Variants in SAMMSON observed in about 807,000 individuals in gnomAD.
The protein encoded by SAMMSON is long intergenic non-protein coding RNA 1212.
intron 4 of SAMMSON, among the ~76,000 whole-genome samples, chr3:70,159,012 T>C (rs1261977192): frequency 6.6e-6 from 1 of 152,072 alleles, no homozygotes; most frequent in African/African-American, 2.4e-5. Context: ...TTTTCTGTTT[T>C]TTTCCTATAC....
intron 6 of SAMMSON, among the ~76,000 whole-genome samples, chr3:70,285,383 G>C (rs1702149835): frequency 6.6e-6 from 1 of 151,940 alleles, no homozygotes; most frequent in African/African-American, 2.4e-5. Context: ...CAAAGGACAT[G>C]AACTCATCAG....
intron 3 of SAMMSON, among the ~76,000 whole-genome samples, chr3:70,040,356 T>C (rs1288521478): frequency 6.6e-6 from 1 of 152,172 alleles, no homozygotes. Context: ...TTCTCTAATG[T>C]GGCAACTACG....
chr3:70,125,829 T>C (rs2067455794), intron 4 of SAMMSON: 1 of 663,580 alleles, frequency 1.5e-6, no homozygotes, highest in Non-Finnish European at 2.7e-6. Context: ...GAAGATTTGC[T>C]AGTTCCATTA....
At chr3:70,404,273 G>A (rs1701162874) in intron 2 of SAMMSON, among the ~76,000 whole-genome samples, 1 of 151,904 alleles carries the variant, frequency 6.6e-6, no homozygotes, top group Admixed American at 6.6e-5. Context: ...GATATTTAAG[G>A]TCACACAATT....
At chr3:70,087,312 A>G (rs2067289158) in intron 4 of SAMMSON, among the ~76,000 whole-genome samples, 1 of 152,236 alleles carries the variant, frequency 6.6e-6, no homozygotes, top group Admixed American at 6.5e-5. Context: ...ATTTAATTTG[A>G]TGGAAAATTA....
intron 4 of SAMMSON, among the ~76,000 whole-genome samples, chr3:70,097,726 G>T (rs527707396): frequency 6.6e-6 from 1 of 152,236 alleles, no homozygotes; most frequent in South Asian, 2.1e-4. Flanking sequence ...CATATTCATT[G>T]TGAACCAGTG....
chr3:70,108,333 C>T (rs866682268), intron 4 of SAMMSON, among the ~76,000 whole-genome samples: 2 of 150,974 alleles, frequency 1.3e-5, no homozygotes, highest in East Asian at 2.0e-4. Context: ...GCTAGGTTTA[C>T]GCAGGCAATA....
At chr3:70,005,468 T>C (rs1490563067) in intron 1 of SAMMSON, among the ~76,000 whole-genome samples, 2 of 152,134 alleles carry the variant, frequency 1.3e-5, no homozygotes, top group African/African-American at 4.8e-5. Context: ...TTTCATCATT[T>C]AGTATTCTGG....
chr3:70,105,553 G>A (rs1279315691), intron 4 of SAMMSON, among the ~76,000 whole-genome samples: 1 of 152,130 alleles, frequency 6.6e-6, no homozygotes, highest in Non-Finnish European at 1.5e-5. Flanking sequence ...GGTGCATAAT[G>A]TATTGTGCAG....
At chr3:70,065,679 G>A (rs1158614605) in intron 3 of SAMMSON, among the ~76,000 whole-genome samples, 1 of 151,988 alleles carries the variant, frequency 6.6e-6, no homozygotes, top group Non-Finnish European at 1.5e-5. Context: ...CACATCTGGG[G>A]GAGGATGCTA....
chr3:70,413,913 A>T (rs1701242369), intron 2 of SAMMSON, among the ~76,000 whole-genome samples: 1 of 152,088 alleles, frequency 6.6e-6, no homozygotes, highest in South Asian at 2.1e-4. Flanking sequence ...AGTCTGTCTA[A>T]ACAGTGTGCT....
chr3:70,121,206 C>G lies in SAMMSON; in HGVS notation n.507+49641C>G, dbSNP rs371141539. On this transcript the variant is annotated intron_variant and non_coding_transcript_variant, in intron 4 of 9. Coordinates refer to ENST00000642114, the Ensembl canonical transcript of SAMMSON. ...AGGTGGTGATGTGAGCCATGGGGAG[C>G]AGCTGTAAACACAGATGAAGCTCCA... 1.6e-4 allele frequency among the ~76,000 whole-genome samples: 24 copies of G among 152,316 alleles called. No individual in the cohort carries two copies. In the East Asian group the frequency reaches 3.9e-3, roughly 25 times the overall value.
At chr3:70,418,526 C>T (rs983111421) in intron 2 of SAMMSON, among the ~76,000 whole-genome samples, 43 of 152,328 alleles carry the variant, frequency 2.8e-4, no homozygotes, top group Non-Finnish European at 5.0e-4. Context: ...GCATTGGCTG[C>T]GGCATCTGCA....
At position 70,389,001 on chromosome 3, in the gene SAMMSON, G is replaced by A. The variant is rs150739808; in HGVS notation, n.914-573G>A. Among the ~76,000 whole-genome samples the A allele has an allele frequency of 8.0e-3, 1,213 of 152,132 alleles. 10 individuals carry two copies. Among genetic ancestry groups the A allele is most frequent in the Non-Finnish European group, 0.011 (760 of 67,966 alleles). ...TTCTCACTCTCAAGGGAGTGAATTA[G>A]TTCCTGAGAGAGCAGGTTGTTAAAA... On this transcript the variant is annotated intron_variant and non_coding_transcript_variant, in intron 9 of 9. Transcript: ENST00000642114.
intron 2 of SAMMSON, among the ~76,000 whole-genome samples, chr3:70,416,366 G>T (rs192403185): frequency 7.9e-5 from 12 of 152,154 alleles, no homozygotes; most frequent in African/African-American, 1.2e-4. Flanking sequence ...GCATTGTCTT[G>T]TCTGCATCTC....
At chr3:70,331,737 C>A (rs1210170075) in intron 7 of SAMMSON, among the ~76,000 whole-genome samples, 2 of 152,192 alleles carry the variant, frequency 1.3e-5, no homozygotes, top group African/African-American at 2.4e-5. Flanking sequence ...AATTTGCACC[C>A]CTGCCCTTTA....
chr3:70,359,981 C>T (rs982582286), intron 9 of SAMMSON, among the ~76,000 whole-genome samples: 2 of 152,026 alleles, frequency 1.3e-5, no homozygotes, highest in African/African-American at 4.8e-5. Flanking sequence ...ATATTTTTTA[C>T]TATAAAGATC....
Position 70,197,332 on chromosome 3 carries a change from A to G in SAMMSON, n.508-51775A>G, listed in dbSNP as rs983189721. 5 of 396,486 alleles carry G rather than the reference A, an allele frequency of 1.3e-5. No individual in the cohort carries two copies. In the Admixed American group the frequency reaches 1.8e-4, roughly 14 times the overall value. The allele number at this position is 396,486 out of a possible 1,614,324, so 24.6% of individuals were successfully genotyped here. On this transcript the variant is annotated intron_variant and non_coding_transcript_variant, in intron 4 of 9. Transcript: ENST00000642114. The stretch of plus-strand genomic sequence containing the variant: ...GGTAATGTACACCCTTCTTCTCTCA[A>G]GCTCCCCCACCCCCATGTCAGTACT...
chr3:70,201,451 T>C (rs1433698214), intron 4 of SAMMSON, among the ~76,000 whole-genome samples: 1 of 152,196 alleles, frequency 6.6e-6, no homozygotes, highest in African/African-American at 2.4e-5. Flanking sequence ...CTATCATTGA[T>C]GGACATTTAG....
Sources: allele counts gnomAD v4.1 joint callset (sites outside exome capture counted in the v4.1 genomes callset), GRCh38; gene constraint gnomAD v4.1.1; transcripts MANE v1.5; gene names NCBI Gene and HGNC (gene_info 2026-07-23, HGNC 2026-07-21).